The following TSPAN11 variants were observed in gnomAD, a reference collection of about 807,000 sequenced individuals.
TSPAN11 encodes tetraspanin 11, also known as tetraspanin-11.
A neutral mutation model predicts 32.9 loss-of-function variants in TSPAN11; 29 were observed. The observed-to-expected ratio is 0.88, with a 90% CI of 0.66 to 1.20. The LOEUF (loss-of-function observed/expected upper bound fraction) is 1.20. TSPAN11 is among the 50% of genes most tolerant of loss of function. The pLI is 0.00. For missense variants in TSPAN11, 283 were observed against 329.1 expected (o/e 0.86, Z 1.08); for synonymous variants, 140 against 141.3 (o/e 0.99, Z 0.07).
intron 2 of TSPAN11, among the ~76,000 whole-genome samples, chr12:30,957,030 ATGACT>A (rs1307392838): frequency 6.6e-6 from 1 of 152,220 alleles, no homozygotes; most frequent in Non-Finnish European, 1.5e-5. Context: ...GGGGAGTGCG[ATGACT>A]TGAGAGCATC....
chr12:30,984,477 G>C (rs549478271), intron 7 of TSPAN11, among the ~76,000 whole-genome samples: 1 of 150,830 alleles, frequency 6.6e-6, no homozygotes, highest in East Asian at 2.0e-4. Context: ...GAGGATTTCT[G>C]ATGCTTCCTC....
chr12:30,977,277 T>A (rs1294258298), intron 3 of TSPAN11, among the ~76,000 whole-genome samples: 1 of 152,128 alleles, frequency 6.6e-6, no homozygotes, highest in Non-Finnish European at 1.5e-5. Context: ...CTGTCTATCC[T>A]GGGCACCGCC....
intron 3 of TSPAN11, among the ~76,000 whole-genome samples, chr12:30,968,384 A>G (rs1480693907): frequency 6.6e-6 from 1 of 152,218 alleles, no homozygotes; most frequent in African/African-American, 2.4e-5. Flanking sequence ...CAGCTCCTCA[A>G]AGTCACTTTC....
At chr12:30,947,199 A>C (rs995679983) in intron 1 of TSPAN11, among the ~76,000 whole-genome samples, 33 of 152,190 alleles carry the variant, frequency 2.2e-4, no homozygotes, top group African/African-American at 7.7e-4. Flanking sequence ...CTCTCTAGGC[A>C]AAGAAAAATT....
At chr12:30,929,659 T>C (rs1937876803) in intron 1 of TSPAN11, among the ~76,000 whole-genome samples, 2 of 152,166 alleles carry the variant, frequency 1.3e-5, no homozygotes, top group South Asian at 4.1e-4. Flanking sequence ...AATGTTTTTC[T>C]TGAGTAGTTG....
intron 7 of TSPAN11, among the ~76,000 whole-genome samples, chr12:30,983,999 C>T (rs1006347845): frequency 2.0e-5 from 3 of 152,226 alleles, no homozygotes; most frequent in Admixed American, 6.5e-5. Flanking sequence ...TACCCTCTCC[C>T]CTAGCTGCCA....
intron 3 of TSPAN11, among the ~76,000 whole-genome samples, chr12:30,971,050 G>C (rs1938839360): frequency 6.6e-6 from 1 of 152,116 alleles, no homozygotes; most frequent in Non-Finnish European, 1.5e-5. Context: ...GCCTCGGGCT[G>C]GGCTCTCCTC....
rs149819228 is a variant in TSPAN11, at chr12:30,990,328, G to A, written c.703-1528G>A. Among the ~76,000 whole-genome samples the A allele has an allele frequency of 4.4e-3, 672 of 152,302 alleles. 6 individuals are homozygous for A. Among genetic ancestry groups the A allele is most frequent in the Non-Finnish European group, 7.4e-3 (504 of 68,030 alleles). ...CCAGCAGGAGACGTACATTGCAGGCGATGCAGACATGGTTTCCAGCACAAA... is the reference window on the plus strand; with the variant it reads ...CCAGCAGGAGACGTACATTGCAGGCAATGCAGACATGGTTTCCAGCACAAA... On this transcript the variant is annotated intron_variant, in intron 7 of 7. Transcript: ENST00000546076.
chr12:30,990,327 C>A (rs189888829), intron 7 of TSPAN11, among the ~76,000 whole-genome samples: 2 of 152,086 alleles, frequency 1.3e-5, no homozygotes, highest in East Asian at 1.9e-4. Flanking sequence ...ACATTGCAGG[C>A]GATGCAGACA....
intron 1 of TSPAN11, among the ~76,000 whole-genome samples, chr12:30,953,346 A>G (rs887060929): frequency 1.8e-4 from 28 of 152,174 alleles, no homozygotes; most frequent in African/African-American, 6.8e-4. Flanking sequence ...ACTTGCCCAA[A>G]GTATCACACA....
At chr12:30,959,521 G>C (rs1592476762) in intron 2 of TSPAN11, among the ~76,000 whole-genome samples, 1 of 152,088 alleles carries the variant, frequency 6.6e-6, no homozygotes, top group South Asian at 2.1e-4. Context: ...AGTTCACGCT[G>C]TTTACCACTC....
chr12:30,955,829 CATATT>C (rs1565793315), intron 2 of TSPAN11, among the ~76,000 whole-genome samples: 1 of 152,232 alleles, frequency 6.6e-6, no homozygotes, highest in Non-Finnish European at 1.5e-5. Context: ...GGACACCAGT[CATATT>C]AGATTAGGGC....
At chr12:30,951,484 A>G (rs890756413) in intron 1 of TSPAN11, among the ~76,000 whole-genome samples, 1 of 152,192 alleles carries the variant, frequency 6.6e-6, no homozygotes, top group Admixed American at 6.5e-5. Context: ...GAGATTCTTT[A>G]TTCAGCTCTG....
intron 1 of TSPAN11, among the ~76,000 whole-genome samples, chr12:30,931,824 G>A (rs1298071995): frequency 7.4e-6 from 1 of 135,262 alleles, no homozygotes; most frequent in Non-Finnish European, 1.5e-5. Context: ...AGGTTGCAGT[G>A]AGCCGAGATC....
Position 30,965,172 on chromosome 12 carries a change from C to T in TSPAN11, c.276+1155C>T, listed in dbSNP as rs181448203. On this transcript the variant is annotated intron_variant, in intron 3 of 7. Transcript: ENST00000546076. ...TGTGTGGCACTGACCAGCCATGAGG[C>T]TTATGGGGATCAGTGCAGTTGGGCC... Among the ~76,000 whole-genome samples the T allele has an allele frequency of 6.6e-5, 10 of 152,342 alleles. No individual in the cohort carries two copies. The East Asian group carries it at 1.9e-3, about 29-fold the overall frequency.
downstream of TSPAN11, chr12:30,997,374 G>A (rs1939432087): frequency 6.6e-6 from 1 of 152,184 alleles, no homozygotes; most frequent in African/African-American, 2.4e-5. Context: ...ACCTGAGAGT[G>A]GGTAATTTAT....
intron 1 of TSPAN11, among the ~76,000 whole-genome samples, chr12:30,943,793 T>C (rs1245803652): frequency 6.6e-6 from 1 of 152,194 alleles, no homozygotes; most frequent in African/African-American, 2.4e-5. Flanking sequence ...TGTCCACTCA[T>C]CGGGAATGGA....
At chr12:30,967,477 G>A (rs1938756557) in intron 3 of TSPAN11, among the ~76,000 whole-genome samples, 1 of 152,246 alleles carries the variant, frequency 6.6e-6, no homozygotes. Flanking sequence ...CACAGCAGCT[G>A]TTGCACAGGC....
chr12:30,942,877 A>T (rs1007509055), intron 1 of TSPAN11, among the ~76,000 whole-genome samples: 6 of 152,206 alleles, frequency 3.9e-5, no homozygotes, highest in African/African-American at 1.4e-4. Context: ...TCTGACCCTA[A>T]GTTTGGTCCA....
Sources: gnomAD v4.1 joint callset for allele counts (sites outside exome capture counted in the v4.1 genomes callset) on GRCh38, gnomAD v4.1.1 for gene constraint, MANE v1.5 for transcripts, NCBI Gene and HGNC (gene_info 2026-07-23, HGNC 2026-07-21) for gene names.